TMPRSS12: variants seen among roughly 807,000 people sequenced by gnomAD.
TMPRSS12 encodes the protein transmembrane protease serine 12.
Under a neutral mutation model 26.0 loss-of-function variants are expected in TMPRSS12, and 25 were observed. That is an observed-to-expected ratio of 0.96 (90% CI 0.70 to 1.34). The LOEUF (loss-of-function observed/expected upper bound fraction) is 1.34, where lower values mean the gene tolerates loss of function less well. Ranked by LOEUF, TMPRSS12 falls within the 40% of genes most tolerant of loss-of-function variation. TMPRSS12 has a pLI of 0.00. For missense variants in TMPRSS12, 441 were observed against 440.1 expected (o/e 1.00, Z -0.02); for synonymous variants, 150 against 161.7 (o/e 0.93, Z 0.55).
intron 3 of TMPRSS12, among the ~76,000 whole-genome samples, chr12:50,860,516 AG>A (rs1191145379): frequency 6.6e-6 from 1 of 152,212 alleles, no homozygotes; most frequent in African/African-American, 2.4e-5. Context: ...CCTGGGCTCA[AG>A]CAATTCTCCT....
intron 3 of TMPRSS12, among the ~76,000 whole-genome samples, chr12:50,878,750 G>A (rs1180339135): frequency 6.6e-6 from 1 of 151,878 alleles, no homozygotes; most frequent in East Asian, 1.9e-4. Flanking sequence ...ATATCCTTAC[G>A]CCGCGAAAAA....
intron 2 of TMPRSS12, among the ~76,000 whole-genome samples, chr12:50,851,331 T>A (rs1031863515): frequency 1.3e-5 from 2 of 152,004 alleles, no homozygotes; most frequent in Non-Finnish European, 2.9e-5. Context: ...ATACAAGAGC[T>A]GAAAGATGAA....
At position 50,877,424 on chromosome 12, in the gene TMPRSS12, C is replaced by T. The variant is rs143135786; in HGVS notation, c.653-7822C>T. On this transcript the variant is annotated intron_variant, in intron 3 of 4. Transcript: ENST00000398458. ...ACAAATTGGAAATCAAAAAGGGAAA[C>T]TTTATTCACAGATGACATGATTATG... Among the ~76,000 whole-genome samples the T allele has an allele frequency of 3.0e-3, 453 of 152,130 alleles. 1 individual carries two copies. The highest frequency in any genetic ancestry group is 0.011 in the African/African-American group (443 of 41,504).
intron 2 of TMPRSS12, among the ~76,000 whole-genome samples, chr12:50,856,146 C>T (rs900763864): frequency 9.2e-5 from 14 of 152,274 alleles, no homozygotes; most frequent in African/African-American, 3.1e-4. Flanking sequence ...AAAACCCTGC[C>T]ACACACAGTT....
At chr12:50,880,461 C>T (rs1938152545) in intron 3 of TMPRSS12, among the ~76,000 whole-genome samples, 1 of 152,046 alleles carries the variant, frequency 6.6e-6, no homozygotes, top group African/African-American at 2.4e-5. Flanking sequence ...AATGATAATC[C>T]AAAAGACTAA....
chr12:50,886,636 T>G (rs1310600275), intron 4 of TMPRSS12: 1 of 152,262 alleles, frequency 6.6e-6, no homozygotes, highest in Admixed American at 6.5e-5. Flanking sequence ...TTGTTTTCAG[T>G]GCATTAACAG....
At position 50,887,485 on chromosome 12, in the gene TMPRSS12, G is replaced by A. The variant is rs868032953; in HGVS notation, c.1019G>A (p.Cys340Tyr). 6.2e-7 allele frequency: 1 copy of A among 1,613,194 alleles called. No homozygotes were observed. The highest frequency in any genetic ancestry group is 8.5e-7 in the Non-Finnish European group (1 of 1,179,650). Residue 340 changes from cysteine to tyrosine, a missense_variant, in exon 5 of 5, where the codon TGT (cysteine) becomes TAT (tyrosine). Cys to Tyr is a radical substitution (Grantham distance 194). Transcript: ENST00000398458. ...ILRGQILIAL[C>Y]FVILLATT The stretch of plus-strand genomic sequence containing the variant: ...CGTGGCCAGATCCTCATAGCTTTAT[G>A]TTTTGTCATCTTACTAGCAACAACA...
Position 50,843,117 on chromosome 12 carries a change from C to T in TMPRSS12, c.153C>T (p.Leu51=), listed in dbSNP as rs747694677. 64 of 1,575,948 alleles carry T rather than the reference C, an allele frequency of 4.1e-5. No individual in the cohort carries two copies. In the African/African-American group the frequency reaches 4.3e-4, roughly 11 times the overall value. Residue 51 remains leucine, a synonymous_variant, in exon 1 of 5, where the codon CTC becomes CTT. Transcript: ENST00000398458. Reference sequence around the variant, plus strand: ...AGGCTGAGGCCGTCCGCAAGAGGCTCCGGCGGCGGAGGGAGGGAGGGGCGC... The same window carrying T: ...AGGCTGAGGCCGTCCGCAAGAGGCTTCGGCGGCGGAGGGAGGGAGGGGCGC... The part of the protein sequence containing the change: ...SQQAEAVRKR[L]RRRREGGAHA...
At chr12:50,850,800 C>T (rs906390817) in intron 2 of TMPRSS12, among the ~76,000 whole-genome samples, 1 of 152,178 alleles carries the variant, frequency 6.6e-6, no homozygotes. Flanking sequence ...CAGCATCCCT[C>T]ATTGCAGCCT....
intron 1 of TMPRSS12, 29 bp downstream of exon 1, chr12:50,843,180 G>A (rs777580391): frequency 1.3e-6 from 2 of 1,523,918 alleles, no homozygotes; most frequent in Non-Finnish European, 1.8e-6. Context: ...TGTCTCTGGG[G>A]AGCCTCTCTT....
chr12:50,882,143 T>A (rs1441945672), intron 3 of TMPRSS12, among the ~76,000 whole-genome samples: 1 of 146,740 alleles, frequency 6.8e-6, no homozygotes, highest in Non-Finnish European at 1.5e-5. Context: ...TCTAGCTTTT[T>A]TAAAGTTTAA....
chr12:50,852,190 T>A (rs1487142151), intron 2 of TMPRSS12, among the ~76,000 whole-genome samples: 1 of 152,162 alleles, frequency 6.6e-6, no homozygotes, highest in Non-Finnish European at 1.5e-5. Context: ...CAAATCTGCA[T>A]ATATCAACTT....
At chr12:50,849,080 C>CT (rs1937800591) in intron 2 of TMPRSS12, among the ~76,000 whole-genome samples, 1 of 152,158 alleles carries the variant, frequency 6.6e-6, no homozygotes, top group Non-Finnish European at 1.5e-5. Flanking sequence ...AGGCTGGTCT[C>CT]TAACTCCTAA....
intron 3 of TMPRSS12, among the ~76,000 whole-genome samples, chr12:50,860,213 TTTTAA>T (rs1420181895): frequency 6.6e-6 from 1 of 152,220 alleles, no homozygotes; most frequent in Non-Finnish European, 1.5e-5. Context: ...TTTAGTTTCC[TTTTAA>T]TTTAATGCCT....
chr12:50,845,735 CT>C (rs2139718262), intron 2 of TMPRSS12, among the ~76,000 whole-genome samples: 1 of 152,298 alleles, frequency 6.6e-6, no homozygotes, highest in South Asian at 2.1e-4. Flanking sequence ...ACCCTCCCTA[CT>C]GATTAAAAGT....
intron 3 of TMPRSS12, among the ~76,000 whole-genome samples, chr12:50,881,828 G>T (rs1220682025): frequency 1.3e-5 from 2 of 150,438 alleles, no homozygotes; most frequent in Admixed American, 1.3e-4. Flanking sequence ...AAAATTAGCT[G>T]GGCGTGGTGG....
At chr12:50,845,053 T>C (rs1417093672) in intron 2 of TMPRSS12, among the ~76,000 whole-genome samples, 1 of 152,150 alleles carries the variant, frequency 6.6e-6, no homozygotes, top group Admixed American at 6.5e-5. Context: ...GTAAAAAACA[T>C]GCTTTATGGA....
At chr12:50,852,777 A>G (rs527328798) in intron 2 of TMPRSS12, among the ~76,000 whole-genome samples, 1 of 152,324 alleles carries the variant, frequency 6.6e-6, no homozygotes, top group Admixed American at 6.5e-5. Flanking sequence ...AAAGGGTTCA[A>G]TTCAACAAGA....
rs1354223622 is a variant in TMPRSS12 at position 50,887,453 on chromosome 12, T to C, written c.987T>C (p.Asn329=). 2 of 1,613,960 alleles carry C rather than the reference T, an allele frequency of 1.2e-6. No individual in the cohort carries two copies. Among genetic ancestry groups the C allele is most frequent in the East Asian group, 4.5e-5 (2 of 44,872 alleles). The change falls in exon 5 of 5, where the codon AAT becomes AAC. Residue 329 remains asparagine, a synonymous_variant. Coordinates refer to ENST00000398458, the MANE Select transcript of TMPRSS12 (RefSeq NM_182559.3). Reference sequence around the variant, plus strand: ...GCACTCAAGGCATACTTACTATAAATATTTTACGTGGCCAGATCCTCATAG... The same window carrying C: ...GCACTCAAGGCATACTTACTATAAACATTTTACGTGGCCAGATCCTCATAG... The part of the protein sequence containing the change: ...HASTQGILTI[N]ILRGQILIAL...
Sources: gnomAD v4.1 joint callset for allele counts (sites outside exome capture counted in the v4.1 genomes callset) on GRCh38, gnomAD v4.1.1 for gene constraint, MANE v1.5 for transcripts, NCBI Gene and HGNC (gene_info 2026-07-23, HGNC 2026-07-21) for gene names.